Variants in CARD10 observed in about 807,000 individuals in gnomAD.
CARD10 encodes the protein caspase recruitment domain-containing protein 10.
CARD10 carries 49 observed loss-of-function variants against 114.6 expected under a neutral mutation model. The observed-to-expected ratio is 0.43, with a 90% confidence interval of 0.34 to 0.54. The LOEUF is 0.54. CARD10 is among the 20% of genes least tolerant of loss of function. The pLI, the probability that CARD10 is intolerant of heterozygous loss-of-function variation, is 0.03. For missense variants in CARD10, 1,206 were observed against 1,397.2 expected (o/e 0.86, Z 2.18); for synonymous variants, 602 against 593.2 (o/e 1.01, Z -0.21).
intron 4 of CARD10, 40 bp from the exon 5 acceptor site, chr22:37,508,722 G>A: frequency 6.6e-7 from 1 of 1,519,592 alleles, no homozygotes; most frequent in African/African-American, 1.4e-5. Flanking sequence ...GGTCTGGCTA[G>A]GGGCCCACCC....
rs1316406550 is a variant in CARD10 at position 37,501,377 on chromosome 22, C to T, written c.1787+1225G>A. 1.3e-5 allele frequency among the ~76,000 whole-genome samples: 2 copies of T among 152,126 alleles called. No individual in the cohort carries two copies. The highest frequency in any genetic ancestry group is 6.5e-5 in the Admixed American group (1 of 15,276). ...CAAACTGGAGGAAGGGAGGAAGGGC[C>T]GAGGCGAGCAGGAAGGGAGGCGCCT... On this transcript the variant is annotated intron_variant, in intron 11 of 19. Transcript: ENST00000251973. This position sits in a 1 kb window ranked among gnomAD's most constrained non-coding sequence, Gnocchi z 5.4.
At position 37,497,177 on chromosome 22, in the gene CARD10, A is replaced by G. The variant is rs1923037020; in HGVS notation, c.1789T>C (p.Ser597Pro). Residue 597 changes from serine to proline, a missense_variant and splice_region_variant, in exon 12 of 20, where the codon TCT becomes CCT. Coordinates refer to ENST00000251973, the MANE Select transcript of CARD10 (RefSeq NM_014550.4). Reference protein sequence around the residue: ...RGCGLDFLNRSLAIRVSGRSP... With the variant: ...RGCGLDFLNRPLAIRVSGRSP... ...CGGCCAGACACCCGAATAGCCAGAG[A>G]CCTGAGAAGGGAGAAAGGAGATGAG... is the stretch of plus-strand genomic sequence containing the variant. 1 of 1,610,980 alleles carries G rather than the reference A, an allele frequency of 6.2e-7. No homozygotes were observed. Among genetic ancestry groups the G allele is most frequent in the East Asian group, 2.2e-5 (1 of 44,878 alleles).
chr22:37,512,845 A>G (rs557327933), intron 3 of CARD10, among the ~76,000 whole-genome samples: 12 of 152,314 alleles, frequency 7.9e-5, no homozygotes, highest in Admixed American at 3.3e-4. Context: ...CTCACTGAGC[A>G]CAAAATTATA....
intron 2 of CARD10, 133 bp from the exon 3 acceptor site, chr22:37,516,431 G>A: frequency 1.6e-6 from 1 of 639,450 alleles, no homozygotes. Context: ...AGAATTGGGA[G>A]CAGGGGAGGT....
chr22:37,509,165 C>T (rs910894013), intron 4 of CARD10: 1 of 1,450,522 alleles, frequency 6.9e-7, no homozygotes, highest in South Asian at 1.5e-5. Flanking sequence ...CCCCATGAAA[C>T]ACACTGGCTC....
chr22:37,496,104 C>T lies in CARD10; in HGVS notation c.2060-101G>A, dbSNP rs1237032886. ...GCCAAAGACATGGCCCTCTCGAGGC[C>T]TGAGTTCCCAGGACCCGACCTTCAC... On this transcript the variant is annotated intron_variant, in intron 13 of 19. Transcript: ENST00000251973. This position sits in a 1 kb window ranked among gnomAD's most constrained non-coding sequence, Gnocchi z 4.1. 6.8e-7 allele frequency: 1 copy of T among 1,469,400 alleles called. No individual in the cohort carries two copies. Among genetic ancestry groups the T allele is most frequent in the Non-Finnish European group, 9.2e-7 (1 of 1,088,940 alleles). The allele number at this position is 1,469,400 out of a possible 1,614,324, so 91.0% of individuals were successfully genotyped here.
intron 8 of CARD10, 119 bp downstream of exon 8, chr22:37,504,516 G>C: frequency 7.1e-7 from 1 of 1,412,546 alleles, no homozygotes; most frequent in Non-Finnish European, 9.4e-7. Context: ...TAAAGTACTT[G>C]GCCTCCCTGC....
At chr22:37,511,574 C>T (rs1050381346) in intron 3 of CARD10, among the ~76,000 whole-genome samples, 4 of 150,366 alleles carry the variant, frequency 2.7e-5, no homozygotes, top group East Asian at 1.9e-4. Flanking sequence ...ACCCCAGCTC[C>T]GTCTCTAGCT....
At chr22:37,515,898 C>A in intron 3 of CARD10, 75 bp downstream of exon 3, 1 of 1,245,668 alleles carries the variant, frequency 8.0e-7, no homozygotes, top group Non-Finnish European at 1.1e-6. Context: ...GGCTCTGGGA[C>A]ACAGGCTGGC....
Position 37,490,858 on chromosome 22 carries a change from C to A in CARD10, c.*301G>T. 2.3e-6 allele frequency: 1 copy of A among 441,780 alleles called. No homozygotes were observed. Among genetic ancestry groups the A allele is most frequent in the East Asian group, 4.1e-5 (1 of 24,660 alleles). 27.4% of individuals were successfully genotyped at this position (441,780 alleles called of 1,614,324 possible). A position where few individuals can be genotyped will look rare whatever the true frequency, so the allele number is the denominator to read the frequency against. On this transcript the variant is annotated 3_prime_UTR_variant, in exon 20 of 20. Coordinates refer to ENST00000251973, the MANE Select transcript of CARD10 (RefSeq NM_014550.4). ...CTGCGCACAGGTGTGAGAACAGACT[C>A]CAGGGCGAGTGTTTAAGGAGAAGAC...
In CARD10 at chr22:37,519,063, C is replaced by T. The variant is rs773847699; in HGVS notation, c.138G>A (p.Lys46=). Residue 46 remains lysine (K), a synonymous_variant, in exon 1 of 20, where the codon AAG becomes AAA. Coordinates refer to ENST00000251973, the MANE Select transcript of CARD10 (RefSeq NM_014550.4). This position sits in a 1 kb window ranked among gnomAD's most constrained non-coding sequence, Gnocchi z 4.1. ...GGCACTGGCGCAGATACGGCGTGAG[C>T]TTGGCCGGGTTCAGGGCGCGAGCCA... ...HRLARALNPA[K]LTPYLRQCRV... is the part of the protein sequence containing the mutation. 3 of 1,593,296 alleles carry T rather than the reference C, an allele frequency of 1.9e-6. No homozygotes were observed. Among genetic ancestry groups the T allele is most frequent in the Non-Finnish European group, 8.5e-7 (1 of 1,176,856 alleles).
chr22:37,495,056 G>A (rs1391184091), intron 15 of CARD10, among the ~76,000 whole-genome samples: 3 of 151,854 alleles, frequency 2.0e-5, no homozygotes, highest in South Asian at 2.1e-4. Flanking sequence ...TCCGCCTCCC[G>A]GGTTCACTTC....
chr22:37,508,563 C>A lies in CARD10; in HGVS notation c.1029G>T (p.Gln343His), dbSNP rs754542141. 1.3e-6 allele frequency: 2 copies of A among 1,598,262 alleles called. No individual in the cohort carries two copies. Among genetic ancestry groups the A allele is most frequent in the East Asian group, 4.5e-5 (2 of 44,686 alleles). The change falls in exon 5 of 20, where the codon CAG (glutamine) becomes CAT (histidine). Residue 343 changes from glutamine to histidine, a missense_variant. By Grantham distance (24) the Gln-to-His change is conservative (BLOSUM62 0). Transcript: ENST00000251973. ...QELCQKLHAV[Q>H]GELQWAEELR... Reference sequence around the variant, plus strand: ...GCTCCTCGGCCCACTGCAGCTCCCCCTGCACGGCATGCAGCTTCTGGCACA... The same window carrying A: ...GCTCCTCGGCCCACTGCAGCTCCCCATGCACGGCATGCAGCTTCTGGCACA...
intron 1 of CARD10, among the ~76,000 whole-genome samples, 194 bp from the exon 2 acceptor site, chr22:37,518,302 C>T (rs1923909742): frequency 6.6e-6 from 1 of 152,156 alleles, no homozygotes; most frequent in African/African-American, 2.4e-5. Context: ...CACATTCCCT[C>T]ATGACTCCTG....
intron 3 of CARD10, among the ~76,000 whole-genome samples, chr22:37,515,023 C>T (rs1923787845): frequency 6.6e-6 from 1 of 152,226 alleles, no homozygotes; most frequent in Non-Finnish European, 1.5e-5. Flanking sequence ...GCACTGGAGC[C>T]AGCCGGACCC....
intron 11 of CARD10, among the ~76,000 whole-genome samples, chr22:37,497,673 C>T (rs765803502): frequency 1.3e-5 from 2 of 152,010 alleles, no homozygotes; most frequent in Non-Finnish European, 2.9e-5. Context: ...ACCAGCCTGG[C>T]CAACATAGTG....
intron 11 of CARD10, among the ~76,000 whole-genome samples, chr22:37,498,913 G>A (rs935890664): frequency 7.5e-6 from 1 of 133,468 alleles, no homozygotes; most frequent in Non-Finnish European, 1.6e-5. Context: ...GGTGGGGGGG[G>A]GGGGCACATG....
At chr22:37,517,005 A>T (rs1312124983) in intron 2 of CARD10, among the ~76,000 whole-genome samples, 1 of 152,208 alleles carries the variant, frequency 6.6e-6, no homozygotes, top group Non-Finnish European at 1.5e-5. Context: ...GCCCTTACAC[A>T]TTCCTGGTAG....
chr22:37,495,981 G>A lies in CARD10; in HGVS notation c.2082C>T (p.Ala694=). The change falls in exon 14 of 20, where the codon GCC becomes GCT. Residue 694 remains alanine, a synonymous_variant. Coordinates refer to ENST00000251973, the MANE Select transcript of CARD10 (RefSeq NM_014550.4). ...CTGGTCCCTTTGCCCAGGCTTCTAG[G>A]GCCTCGTGGAAGGACTGGCAGGCTG... ...DSKACQSFHE[A]LEAWAKGPGA... is the part of the protein sequence containing the mutation. 6.2e-7 allele frequency: 1 copy of A among 1,613,958 alleles called. No individual in the cohort carries two copies. Among genetic ancestry groups the A allele is most frequent in the South Asian group, 1.1e-5 (1 of 91,086 alleles).
Sources: allele counts gnomAD v4.1 joint callset (sites outside exome capture counted in the v4.1 genomes callset), GRCh38; gene constraint gnomAD v4.1.1; non-coding constraint Gnocchi (gnomAD v3.1); transcripts MANE v1.5; gene names NCBI Gene and HGNC (gene_info 2026-07-23, HGNC 2026-07-21).